The following PRKG1 variants were observed in gnomAD, a reference collection of about 807,000 sequenced individuals.
The protein encoded by PRKG1 is cGMP-dependent protein kinase 1.
A neutral mutation model predicts 88.1 loss-of-function variants in PRKG1; 35 were observed. The observed-to-expected ratio is 0.40, with a 90% CI of 0.30 to 0.53. The LOEUF is 0.53. PRKG1 is among the 20% of genes least tolerant of loss of function. The pLI is 0.59. For missense variants in PRKG1, 540 were observed against 839.8 expected (o/e 0.64, Z 4.41); for synonymous variants, 303 against 292.5 (o/e 1.04, Z -0.37).
chr10:52,040,295 T>C (rs1311769941), intron 5 of PRKG1, among the ~76,000 whole-genome samples: 2 of 152,236 alleles, frequency 1.3e-5, no homozygotes, highest in Non-Finnish European at 2.9e-5. Context: ...TCAATACATA[T>C]TTATACTTCA....
chr10:51,405,749 C>T (rs561694057), intron 2 of PRKG1, among the ~76,000 whole-genome samples: 18 of 152,144 alleles, frequency 1.2e-4, no homozygotes, highest in Admixed American at 3.3e-4. Context: ...AAAAGGTATC[C>T]GAAATATGTG....
intron 2 of PRKG1, among the ~76,000 whole-genome samples, chr10:51,375,783 G>GT (rs774363353): frequency 0.21 from 32,470 of 151,510 alleles, 3,568 homozygotes; most frequent in Middle Eastern, 0.27. Flanking sequence ...TATATAAAGT[G>GT]ATCAGGGTAG....
At position 51,010,232 on chromosome 10, in the gene PRKG1, G is replaced by A. The variant is rs189167491; in HGVS notation, c.266+18588G>A. 4.8e-3 allele frequency among the ~76,000 whole-genome samples: 726 copies of A among 152,316 alleles called. 5 individuals carry two copies. Among genetic ancestry groups the A allele is most frequent in the African/African-American group, 0.017 (703 of 41,576 alleles). On this transcript the variant is annotated intron_variant, in intron 1 of 17. Transcript: ENST00000401604. ...TTCTACTACCCAGCGTAAATCATTC[G>A]CTCTACATTAAGCATCTTTGCCAAT... is the stretch of plus-strand genomic sequence containing the variant.
At chr10:51,027,677 A>G (rs371449144) in intron 1 of PRKG1, among the ~76,000 whole-genome samples, 1 of 152,156 alleles carries the variant, frequency 6.6e-6, no homozygotes, top group African/African-American at 2.4e-5. Flanking sequence ...AAAATCTTAA[A>G]TTTTACTAAA....
chr10:51,788,267 G>A (rs1041226495), intron 3 of PRKG1, among the ~76,000 whole-genome samples: 11 of 152,046 alleles, frequency 7.2e-5, no homozygotes, highest in East Asian at 3.9e-4. Flanking sequence ...CTCTGCATTC[G>A]TGTCAATTAC....
intron 3 of PRKG1, among the ~76,000 whole-genome samples, chr10:51,740,172 C>T (rs933191316): frequency 6.6e-6 from 1 of 152,116 alleles, no homozygotes; most frequent in African/African-American, 2.4e-5. Context: ...GGACTACTGA[C>T]ACACCACCAC....
At chr10:51,409,850 CAAAAAAAA>C (rs71459417) in intron 2 of PRKG1, among the ~76,000 whole-genome samples, 10 of 79,500 alleles carry the variant, frequency 1.3e-4, no homozygotes, top group Non-Finnish European at 6.9e-5. Flanking sequence ...GAGACTCTGT[CAAAAAAAA>C]AAAAAAAAAA....
chr10:51,686,010 A>C (rs1840979368), intron 3 of PRKG1, among the ~76,000 whole-genome samples: 1 of 152,112 alleles, frequency 6.6e-6, no homozygotes, highest in Non-Finnish European at 1.5e-5. Flanking sequence ...TGACCAGCCC[A>C]TCAATCCCCT....
chr10:52,039,064 G>T (rs192637088), intron 5 of PRKG1, among the ~76,000 whole-genome samples: 2 of 152,088 alleles, frequency 1.3e-5, no homozygotes, highest in African/African-American at 2.4e-5. Context: ...GAGGACAGGG[G>T]ATTGATCTCC....
intron 5 of PRKG1, among the ~76,000 whole-genome samples, chr10:52,022,206 A>T (rs1043263623): frequency 6.6e-6 from 1 of 152,200 alleles, no homozygotes; most frequent in African/African-American, 2.4e-5. Context: ...TTCTGATAAC[A>T]TTCAAAGTAG....
chr10:52,114,299 G>T (rs1847636022), intron 7 of PRKG1, among the ~76,000 whole-genome samples: 1 of 152,018 alleles, frequency 6.6e-6, no homozygotes, highest in Admixed American at 6.6e-5. Flanking sequence ...CCACTTTTTA[G>T]CTGTATGACT....
chr10:51,593,984 C>A (rs1029567246), intron 3 of PRKG1, among the ~76,000 whole-genome samples: 8 of 152,022 alleles, frequency 5.3e-5, no homozygotes, highest in Non-Finnish European at 8.8e-5. Flanking sequence ...CCTTGGCCTC[C>A]CAAAGTGTTG....
At chr10:52,045,944 C>G (rs1845853756) in intron 5 of PRKG1, among the ~76,000 whole-genome samples, 1 of 151,970 alleles carries the variant, frequency 6.6e-6, no homozygotes, top group South Asian at 2.1e-4. Flanking sequence ...GTAGAGTGAT[C>G]CTGGTGAAAC....
chr10:52,202,725 G>A (rs1839709959), intron 9 of PRKG1, among the ~76,000 whole-genome samples: 1 of 151,910 alleles, frequency 6.6e-6, no homozygotes, highest in Non-Finnish European at 1.5e-5. Flanking sequence ...GACCTGTTTA[G>A]GGTTTCGGTA....
intron 2 of PRKG1, among the ~76,000 whole-genome samples, chr10:51,183,666 T>C (rs1837409910): frequency 6.6e-6 from 1 of 152,186 alleles, no homozygotes; most frequent in African/African-American, 2.4e-5. Flanking sequence ...GACATTCCAT[T>C]GCATTTCCAT....
chr10:51,106,525 T>C (rs546625291), intron 1 of PRKG1, among the ~76,000 whole-genome samples: 32 of 152,256 alleles, frequency 2.1e-4, no homozygotes, highest in African/African-American at 7.5e-4. Flanking sequence ...TCTTAAGACA[T>C]CAGCACCTTT....
At chr10:51,154,860 G>A (rs1387401899) in intron 2 of PRKG1, among the ~76,000 whole-genome samples, 1 of 151,946 alleles carries the variant, frequency 6.6e-6, no homozygotes, top group African/African-American at 2.4e-5. Flanking sequence ...ATAGGACAAG[G>A]CTATATGTGG....
chr10:51,863,561 C>T (rs751435291), intron 4 of PRKG1, among the ~76,000 whole-genome samples: 60 of 152,094 alleles, frequency 3.9e-4, no homozygotes, highest in Non-Finnish European at 7.5e-4. Flanking sequence ...AAATTTAATA[C>T]CCAATGCAAC....
intron 3 of PRKG1, among the ~76,000 whole-genome samples, chr10:51,560,293 A>G (rs1837424940): frequency 6.6e-6 from 1 of 152,142 alleles, no homozygotes; most frequent in African/African-American, 2.4e-5. Context: ...AATGGAATGG[A>G]ATGTTGATGA....
Sources: gnomAD v4.1 joint callset for allele counts (sites outside exome capture counted in the v4.1 genomes callset) on GRCh38, gnomAD v4.1.1 for gene constraint, MANE v1.5 for transcripts, NCBI Gene and HGNC (gene_info 2026-07-23, HGNC 2026-07-21) for gene names.